Variants in SLC39A14 observed in about 807,000 individuals in gnomAD.
SLC39A14 encodes solute carrier family 39 member 14.
A neutral mutation model predicts 45.5 loss-of-function variants in SLC39A14; 19 were observed. The observed-to-expected ratio is 0.42, with a 90% confidence interval of 0.29 to 0.61. The LOEUF is 0.61. SLC39A14 is among the 20% of genes least tolerant of loss of function. The pLI is 0.22. For synonymous variants in SLC39A14, 264 were observed against 251.3 expected (o/e 1.05, Z -0.48); for missense variants, 447 against 616.5 (o/e 0.73, Z 2.91).
intron 8 of SLC39A14, chr8:22,433,867 ATGTTTT>A (rs898240300): frequency 9.4e-6 from 3 of 320,572 alleles, no homozygotes; most frequent in South Asian, 2.3e-5. Context: ...GGCCATGTTT[ATGTTTT>A]TGTTTTTGTT....
chr8:22,425,601 C>G (rs1459667394), downstream of SLC39A14, among the ~76,000 whole-genome samples: 1 of 151,840 alleles, frequency 6.6e-6, no homozygotes, highest in Non-Finnish European at 1.5e-5. Context: ...CCTTTATCAG[C>G]CTTCAGCTAA....
chr8:22,421,669 A>G lies in SLC39A14; in HGVS notation c.*1971A>G. On this transcript the variant is annotated 3_prime_UTR_variant, in exon 9 of 9. Transcript: ENST00000381237. ...ATAACTCAAAGTTGAAGACTCTGGA[A>G]GATTTTGCTTTAACCTAACTCGCAT... 1.0e-6 allele frequency: 1 copy of G among 985,680 alleles called. No homozygotes were observed. The highest frequency in any genetic ancestry group is 1.2e-6 in the Non-Finnish European group (1 of 829,796). 61.1% of individuals were successfully genotyped at this position (985,680 alleles called of 1,614,324 possible).
chr8:22,412,212 G>T lies in SLC39A14; in HGVS notation c.627+6G>T. ...TCTTCCAGCTCATCCCGGAGGTATGGCAAGCCAGGGCCTTCACCCCGGAGC... is the reference window on the plus strand; with the variant it reads ...TCTTCCAGCTCATCCCGGAGGTATGTCAAGCCAGGGCCTTCACCCCGGAGC... On this transcript the variant is annotated splice_donor_region_variant and intron_variant, in intron 4 of 8. Coordinates refer to ENST00000381237, the MANE Select transcript of SLC39A14 (RefSeq NM_001128431.4). 1.9e-6 allele frequency: 3 copies of T among 1,551,304 alleles called. No homozygotes were observed. The highest frequency in any genetic ancestry group is 2.6e-6 in the Non-Finnish European group (3 of 1,146,838).
chr8:22,384,859 C>G (rs1833705563), intron 1 of SLC39A14, among the ~76,000 whole-genome samples: 1 of 151,828 alleles, frequency 6.6e-6, no homozygotes, highest in Non-Finnish European at 1.5e-5. Flanking sequence ...AGACCAGCGT[C>G]ACCAACAAGG....
intron 1 of SLC39A14, among the ~76,000 whole-genome samples, chr8:22,371,054 AG>A (rs993293577): frequency 2.3e-4 from 35 of 152,198 alleles, no homozygotes; most frequent in African/African-American, 7.9e-4. Flanking sequence ...TAAACCTCTC[AG>A]GGGGCCCCTG....
Position 22,422,321 on chromosome 8 carries a change from C to T in SLC39A14, c.*2623C>T, listed in dbSNP as rs1404669145. On this transcript the variant is annotated 3_prime_UTR_variant, in exon 9 of 9. Transcript: ENST00000381237. Reference sequence around the variant, plus strand: ...GGCACACAGCTTGCCCCTGTCTTTGCCCCCAAAGGTATTTTGTGTCTAGTG... The same window carrying T: ...GGCACACAGCTTGCCCCTGTCTTTGTCCCCAAAGGTATTTTGTGTCTAGTG... 15 of 985,662 alleles carry T rather than the reference C, an allele frequency of 1.5e-5. No homozygotes were observed. Among genetic ancestry groups the T allele is most frequent in the African/African-American group, 1.7e-5 (1 of 57,226 alleles). 61.1% of individuals were successfully genotyped at this position (985,662 alleles called of 1,614,324 possible). A position where few individuals can be genotyped will look rare whatever the true frequency, so the allele number is the denominator to read the frequency against.
intron 1 of SLC39A14, among the ~76,000 whole-genome samples, chr8:22,401,932 C>A (rs56939496): frequency 0.19 from 28,821 of 152,156 alleles, 6,642 homozygotes; most frequent in African/African-American, 0.55. Context: ...TAGCTGCATA[C>A]TATTCCATGA....
chr8:22,391,857 C>CAT (rs1554514835), intron 1 of SLC39A14, among the ~76,000 whole-genome samples: 12 of 152,198 alleles, frequency 7.9e-5, no homozygotes, highest in East Asian at 3.9e-4. Context: ...CATGAGCCAC[C>CAT]GCTCCCGGCC....
intron 2 of SLC39A14, 77 bp from the exon 3 acceptor site, chr8:22,408,233 C>T: frequency 7.7e-7 from 1 of 1,298,532 alleles, no homozygotes; most frequent in Non-Finnish European, 1.1e-6. Context: ...TCTGGGAAGG[C>T]TGAGTAGGTT....
chr8:22,404,781 C>T lies in SLC39A14; in HGVS notation c.71C>T (p.Thr24Ile). The change falls in exon 2 of 9, where the codon ACC becomes ATC. Residue 24 changes from threonine to isoleucine, a missense_variant. Physicochemically the swap from Thr to Ile is moderately conservative, Grantham distance 89. Coordinates refer to ENST00000381237, the MANE Select transcript of SLC39A14 (RefSeq NM_001128431.4). ...CTGACCCTGCTTGGCTTATGGAGAA[C>T]CACCCCTGAGGCTCACGCTTCATCC... ...LLLTLLGLWR[T>I]TPEAHASSLG... 2 of 1,613,398 alleles carry T rather than the reference C, an allele frequency of 1.2e-6. No individual in the cohort carries two copies. The highest frequency in any genetic ancestry group is 2.2e-5 in the East Asian group (1 of 44,874).
At chr8:22,412,251 C>A in intron 4 of SLC39A14, 45 bp downstream of exon 4, 2 of 1,539,886 alleles carry the variant, frequency 1.3e-6, no homozygotes, top group Middle Eastern at 1.9e-4. Context: ...CCGGCGGGCA[C>A]AGTGGGAGGA....
At chr8:22,430,746 C>A (rs13267478) in intron 8 of SLC39A14, among the ~76,000 whole-genome samples, 46,179 of 150,922 alleles carry the variant, frequency 0.31, 7,274 homozygotes, top group East Asian at 0.5. Context: ...GATCTCGGCT[C>A]GCTGCAAACT....
intron 7 of SLC39A14, among the ~76,000 whole-genome samples, 187 bp downstream of exon 7, chr8:22,416,467 C>T (rs918745022): frequency 6.6e-6 from 1 of 152,136 alleles, no homozygotes; most frequent in Non-Finnish European, 1.5e-5. Context: ...CACTGTTGCC[C>T]AGGCCGGAGT....
intron 4 of SLC39A14, among the ~76,000 whole-genome samples, chr8:22,412,473 G>C (rs1322409838): frequency 6.6e-6 from 1 of 152,184 alleles, no homozygotes; most frequent in African/African-American, 2.4e-5. Flanking sequence ...GAAATGGGGA[G>C]AGCAATAGAC....
intron 1 of SLC39A14, among the ~76,000 whole-genome samples, chr8:22,379,230 A>G (rs1485518444): frequency 6.6e-6 from 1 of 152,154 alleles, no homozygotes; most frequent in East Asian, 1.9e-4. Flanking sequence ...ATCCAGGACA[A>G]TTTCATCTTG....
At chr8:22,387,569 C>T (rs1200516868) in intron 1 of SLC39A14, among the ~76,000 whole-genome samples, 1 of 152,142 alleles carries the variant, frequency 6.6e-6, no homozygotes, top group African/African-American at 2.4e-5. Context: ...TCTTTTGTGC[C>T]ATATTTTCTG....
At chr8:22,430,751 C>T (rs1836453678) in intron 8 of SLC39A14, among the ~76,000 whole-genome samples, 1 of 151,904 alleles carries the variant, frequency 6.6e-6, no homozygotes. Context: ...CGGCTCGCTG[C>T]AAACTCCACC....
chr8:22,411,216 C>G (rs960603100), intron 3 of SLC39A14, among the ~76,000 whole-genome samples: 4 of 152,230 alleles, frequency 2.6e-5, no homozygotes, highest in Admixed American at 2.0e-4. Context: ...TGCTCCACCC[C>G]TGTGGCCTGC....
chr8:22,379,943 A>AG (rs61182702), intron 1 of SLC39A14, among the ~76,000 whole-genome samples: 4,758 of 136,372 alleles, frequency 0.035, 173 homozygotes, highest in African/African-American at 0.1. Context: ...AAAAAAAAAA[A>AG]AAAAGAAAAG....
Sources: allele counts gnomAD v4.1 joint callset (sites outside exome capture counted in the v4.1 genomes callset), GRCh38; gene constraint gnomAD v4.1.1; transcripts MANE v1.5; gene names NCBI Gene and HGNC (gene_info 2026-07-23, HGNC 2026-07-21).